The following FREM3 variants were observed in gnomAD, a reference collection of about 807,000 sequenced individuals.
FREM3 encodes FRAS1-related extracellular matrix protein 3.
FREM3 carries 105 observed loss-of-function variants against 129.1 expected under a neutral mutation model. That is an observed-to-expected ratio of 0.81 (90% confidence interval 0.69 to 0.96). The LOEUF (loss-of-function observed/expected upper bound fraction) is 0.96. Among genes scored for constraint, FREM3 ranks in the 40% least tolerant of loss-of-function variants. FREM3 has a pLI of 0.00. For synonymous variants in FREM3, 1,014 were observed against 1,044.9 expected (o/e 0.97, Z 0.57); for missense variants, 2,593 against 2,666.3 (o/e 0.97, Z 0.61).
intron 2 of FREM3, among the ~76,000 whole-genome samples, chr4:143,667,992 A>T (rs549538113): frequency 1.3e-5 from 2 of 152,368 alleles, no homozygotes; most frequent in African/African-American, 2.4e-5. Context: ...CTATAGTCAG[A>T]TATAATAAAA....
At chr4:143,637,498 C>T (rs563462199) in intron 2 of FREM3, among the ~76,000 whole-genome samples, 18 of 152,162 alleles carry the variant, frequency 1.2e-4, no homozygotes, top group African/African-American at 4.3e-4. Flanking sequence ...TGTCCAGTTC[C>T]ATTTCTCAGG....
At chr4:143,666,995 C>A (rs1189350795) in intron 2 of FREM3, among the ~76,000 whole-genome samples, 5 of 151,950 alleles carry the variant, frequency 3.3e-5, no homozygotes, top group Non-Finnish European at 7.4e-5. Flanking sequence ...AACTGTTAAA[C>A]AATTTTTAAT....
At chr4:143,680,594 T>C (rs1183753720) in intron 2 of FREM3, among the ~76,000 whole-genome samples, 2 of 152,126 alleles carry the variant, frequency 1.3e-5, no homozygotes, top group Admixed American at 6.6e-5. Context: ...TCTTTGCCTT[T>C]GACACTTATA....
intron 2 of FREM3, among the ~76,000 whole-genome samples, chr4:143,668,214 C>T (rs1382686287): frequency 6.6e-6 from 1 of 151,952 alleles, no homozygotes; most frequent in East Asian, 1.9e-4. Context: ...TGATGAGTAT[C>T]CAGAGCTTAT....
Position 143,696,177 on chromosome 4 carries a change from T to G in FREM3, c.4499A>C (p.His1500Pro). ...QLASNKISYV[H>P]TSNDEKKMDS... ...CATCTTTTTCTCATCATTTGAAGTA[T>G]GGACATAGGATATTTTGTTGCTAGC... Residue 1500 changes from histidine to proline, a missense_variant, in exon 1 of 8, where the codon CAT (histidine) becomes CCT (proline). By Grantham distance (77) the His-to-Pro change is moderately conservative. Around this residue, in one of 2 missense-constraint regions of FREM3, gnomAD observed 2,276 missense variants for 2,267.2 expected, o/e 1.00. Coordinates refer to ENST00000329798, the MANE Select transcript of FREM3 (RefSeq NM_001168235.2). 3 of 1,537,814 alleles carry G rather than the reference T, an allele frequency of 2.0e-6. No individual in the cohort carries two copies. Among genetic ancestry groups the G allele is most frequent in the Non-Finnish European group, 2.6e-6 (3 of 1,147,044 alleles).
In FREM3 at chr4:143,670,250, G is replaced by C. The variant is rs535080299; in HGVS notation, c.5275+22863C>G. Reference sequence around the variant, plus strand: ...AAATGCCGAACTTGAATTTGAGAATGAAGAATTAAAAATATCCTGAAAAAT... The same window carrying C: ...AAATGCCGAACTTGAATTTGAGAATCAAGAATTAAAAATATCCTGAAAAAT... On this transcript the variant is annotated intron_variant, in intron 2 of 7. Coordinates refer to ENST00000329798, the MANE Select transcript of FREM3 (RefSeq NM_001168235.2). 2.6e-5 allele frequency among the ~76,000 whole-genome samples: 4 copies of C among 152,210 alleles called. No individual in the cohort carries two copies. The South Asian group carries it at 8.3e-4, about 32-fold the overall frequency.
intron 6 of FREM3, among the ~76,000 whole-genome samples, chr4:143,586,723 C>T (rs902613074): frequency 2.0e-5 from 3 of 152,160 alleles, no homozygotes; most frequent in African/African-American, 4.8e-5. Flanking sequence ...ATACCCCGTT[C>T]GCTCTTGTTC....
At position 143,696,896 on chromosome 4, in the gene FREM3, G is replaced by A. The variant is rs1227388378; in HGVS notation, c.3780C>T (p.Ile1260=). ...CATACACAATGGTGGAGGCCTCCTG[G>A]ATCTCCTTGAGGGTGAAGCTGTGGA... ...QPIHSFTLKE[I]QEASTIVYEH... is the part of the protein sequence containing the mutation. The change falls in exon 1 of 8, where the codon ATC becomes ATT. Residue 1260 remains isoleucine, a synonymous_variant. Transcript: ENST00000329798. 6.5e-7 allele frequency: 1 copy of A among 1,537,574 alleles called. No homozygotes were observed. Among genetic ancestry groups the A allele is most frequent in the Non-Finnish European group, 8.7e-7 (1 of 1,147,028 alleles).
At position 143,698,705 on chromosome 4, in the gene FREM3, G is replaced by T; in HGVS notation, c.1971C>A (p.Tyr657Ter). 1 of 1,537,382 alleles carries T rather than the reference G, an allele frequency of 6.5e-7. No individual in the cohort carries two copies. Among genetic ancestry groups the T allele is most frequent in the Non-Finnish European group, 8.7e-7 (1 of 1,146,938 alleles). The part of the protein sequence containing the change: ...QRDIMEGRLF[Y>*]RHLGPHSPQS... ...GAGGGCTGTGTGGTCCAAGATGGCG[G>T]TAGAAGAGTCTCCCTTCCATTATGT... is the stretch of plus-strand genomic sequence containing the variant. Residue 657 changes from tyrosine (Y) to a stop codon, truncating the protein, a stop_gained, in exon 1 of 8, where the codon TAC becomes TAA. Coordinates refer to ENST00000329798, the MANE Select transcript of FREM3 (RefSeq NM_001168235.2). LOFTEE classifies it high-confidence loss of function.
intron 5 of FREM3, among the ~76,000 whole-genome samples, chr4:143,616,792 C>CAAAAAA (rs775898686): frequency 5.0e-4 from 68 of 136,572 alleles, no homozygotes; most frequent in African/African-American, 1.8e-3. Flanking sequence ...GACTCCGTCT[C>CAAAAAA]AAAAAAAAAA....
chr4:143,612,307 C>T (rs1738772710), intron 5 of FREM3, among the ~76,000 whole-genome samples: 1 of 152,136 alleles, frequency 6.6e-6, no homozygotes, highest in Non-Finnish European at 1.5e-5. Flanking sequence ...ATTTATTTGC[C>T]TTTATGAGAA....
In FREM3 at chr4:143,627,775, G is replaced by A. The variant is rs1271046004; in HGVS notation, c.5276-15C>T. On this transcript the variant is annotated splice_polypyrimidine_tract_variant and intron_variant, in intron 2 of 7. Coordinates refer to ENST00000329798, the MANE Select transcript of FREM3 (RefSeq NM_001168235.2). ...TTTATTTCCTCCTGCAATTGATAGG[G>A]GCAAAGGAAAAGTCAGCTGGAGTAT... 5 of 1,527,596 alleles carry A rather than the reference G, an allele frequency of 3.3e-6. No individual in the cohort carries two copies. Among genetic ancestry groups the A allele is most frequent in the Non-Finnish European group, 4.4e-6 (5 of 1,139,470 alleles). The allele number at this position is 1,527,596 out of a possible 1,614,324, so 94.6% of individuals were successfully genotyped here.
intron 2 of FREM3, among the ~76,000 whole-genome samples, chr4:143,631,504 T>G (rs557836393): frequency 6.6e-6 from 1 of 152,288 alleles, no homozygotes; most frequent in African/African-American, 2.4e-5. Flanking sequence ...TTACAATGCC[T>G]GGCTAATTCT....
chr4:143,634,714 CT>C (rs1739204607), intron 2 of FREM3, among the ~76,000 whole-genome samples: 1 of 70,762 alleles, frequency 1.4e-5, no homozygotes, highest in Admixed American at 1.9e-4. Context: ...AAGGGAGAAG[CT>C]GGGCTGGGCC....
At chr4:143,621,728 T>TTG (rs1036372907) in intron 4 of FREM3, among the ~76,000 whole-genome samples, 5 of 151,868 alleles carry the variant, frequency 3.3e-5, no homozygotes, top group Admixed American at 1.3e-4. Flanking sequence ...GCACACACGT[T>TTG]TGTGTGTGTG....
rs1392400892 is a variant in FREM3 at position 143,611,541 on chromosome 4, A to G, written c.5780-14T>C. On this transcript the variant is annotated splice_polypyrimidine_tract_variant and intron_variant, in intron 5 of 7. Transcript: ENST00000329798. ...CTGTGGCAGAACCTACAGAAATATGAGAAGGAACAGGGAGGTTAAGAAGAA... is the reference window on the plus strand; with the variant it reads ...CTGTGGCAGAACCTACAGAAATATGGGAAGGAACAGGGAGGTTAAGAAGAA... 2 of 1,535,880 alleles carry G rather than the reference A, an allele frequency of 1.3e-6. No individual in the cohort carries two copies. The highest frequency in any genetic ancestry group is 1.7e-6 in the Non-Finnish European group (2 of 1,146,016).
chr4:143,624,386 G>T, intron 3 of FREM3, 48 bp from the exon 4 acceptor site: 3 of 1,148,020 alleles, frequency 2.6e-6, no homozygotes, highest in African/African-American at 1.5e-5. Context: ...GTGACTGAAG[G>T]CATAGTCTCC....
At chr4:143,580,726 G>T (rs1738127773) in intron 7 of FREM3, among the ~76,000 whole-genome samples, 1 of 152,226 alleles carries the variant, frequency 6.6e-6, no homozygotes, top group African/African-American at 2.4e-5. Context: ...ACTTCTCTGG[G>T]ATGGAGATCC....
chr4:143,640,108 T>C (rs145697089), intron 2 of FREM3, among the ~76,000 whole-genome samples: 1 of 152,326 alleles, frequency 6.6e-6, no homozygotes, highest in African/African-American at 2.4e-5. Context: ...GAAGCTTCCA[T>C]GGGTAATGGT....
Sources: allele counts gnomAD v4.1 joint callset (sites outside exome capture counted in the v4.1 genomes callset), GRCh38; gene constraint gnomAD v4.1.1; regional missense constraint gnomAD v4.1.1; transcripts MANE v1.5; gene names NCBI Gene and HGNC (gene_info 2026-07-23, HGNC 2026-07-21).